Variants in ARHGEF3 observed in about 807,000 individuals in gnomAD.
ARHGEF3 encodes Rho guanine nucleotide exchange factor 3.
In ARHGEF3, 28 loss-of-function variants were observed where a neutral mutation model predicts 63.2. That is an observed-to-expected ratio of 0.44 (90% CI 0.33 to 0.61). ARHGEF3 has a LOEUF of 0.61. ARHGEF3 is among the 20% of genes least tolerant of loss of function. The pLI, the probability that ARHGEF3 is intolerant of heterozygous loss-of-function variation, is 0.03. For missense variants in ARHGEF3, 533 were observed against 659.3 expected, an observed-to-expected ratio of 0.81 and a Z score of 2.10; for synonymous variants, 266 against 254.2, an observed-to-expected ratio of 1.05 and a Z score of -0.44.
chr3:56,873,505 G>A (rs2040496946), intron 4 of ARHGEF3, among the ~76,000 whole-genome samples: 2 of 152,186 alleles, frequency 1.3e-5, no homozygotes, highest in African/African-American at 4.8e-5. Flanking sequence ...CTGTTCGTGC[G>A]TTAGTTTGCT....
chr3:57,075,194 T>G (rs1001764689), intron 1 of ARHGEF3: 4 of 167,160 alleles, frequency 2.4e-5, no homozygotes, highest in Admixed American at 6.6e-5. Flanking sequence ...CAGCTCTGCC[T>G]CCATCCCATC....
intron 3 of ARHGEF3, among the ~76,000 whole-genome samples, chr3:56,884,263 G>A (rs1300850004): frequency 2.0e-5 from 3 of 151,696 alleles, no homozygotes; most frequent in African/African-American, 7.3e-5. Flanking sequence ...CTAGTACACA[G>A]TAGGTGCTCA....
chr3:56,805,508 T>A (rs903383652), upstream of ARHGEF3, among the ~76,000 whole-genome samples: 5 of 152,162 alleles, frequency 3.3e-5, no homozygotes, highest in African/African-American at 1.2e-4. Context: ...GCGCTAGGAT[T>A]ACAAGCATAA....
intron 4 of ARHGEF3, among the ~76,000 whole-genome samples, chr3:56,864,909 T>G (rs542104515): frequency 1.3e-5 from 2 of 152,272 alleles, no homozygotes; most frequent in South Asian, 4.1e-4. Context: ...GTCAAGAACA[T>G]GAGACCTTCA....
chr3:56,826,727 C>A (rs2038726119), intron 4 of ARHGEF3, among the ~76,000 whole-genome samples: 1 of 152,140 alleles, frequency 6.6e-6, no homozygotes, highest in Non-Finnish European at 1.5e-5. Context: ...ACCAGCTCAG[C>A]AGATGGAAAA....
At chr3:56,972,751 G>T (rs926866430) in intron 2 of ARHGEF3, among the ~76,000 whole-genome samples, 8 of 152,038 alleles carry the variant, frequency 5.3e-5, no homozygotes, top group Non-Finnish European at 1.0e-4. Context: ...AGATGGCAAG[G>T]GTCTCACAGA....
chr3:56,792,819 A>AT (rs56890309), intron 1 of ARHGEF3, among the ~76,000 whole-genome samples: 42,734 of 147,866 alleles, frequency 0.29, 7,706 homozygotes, highest in African/African-American at 0.53. Flanking sequence ...TCTTTTTCTT[A>AT]TTTTTTTTTT....
chr3:56,825,025 G>A (rs1277951595), intron 4 of ARHGEF3, among the ~76,000 whole-genome samples: 1 of 150,964 alleles, frequency 6.6e-6, no homozygotes, highest in Non-Finnish European at 1.5e-5. Flanking sequence ...ATACTGGAGT[G>A]TAGCAGCCCC....
chr3:56,897,720 C>T (rs1421578066), intron 3 of ARHGEF3, among the ~76,000 whole-genome samples: 2 of 151,712 alleles, frequency 1.3e-5, no homozygotes, highest in Non-Finnish European at 2.9e-5. Flanking sequence ...GCATGCACCA[C>T]CATGCCCAGC....
intron 4 of ARHGEF3, among the ~76,000 whole-genome samples, chr3:56,850,303 G>C (rs1385818894): frequency 6.6e-6 from 1 of 152,294 alleles, no homozygotes; most frequent in East Asian, 1.9e-4. Flanking sequence ...CCAAGGCAGG[G>C]GGATCACTTG....
intron 1 of ARHGEF3, among the ~76,000 whole-genome samples, chr3:57,059,136 T>TACA (rs2107337607): frequency 6.6e-6 from 1 of 152,204 alleles, no homozygotes; most frequent in South Asian, 2.1e-4. Context: ...AAACTTAAAG[T>TACA]ATAATAATAA....
chr3:56,833,918 TCC>T (rs10632077), intron 4 of ARHGEF3, among the ~76,000 whole-genome samples: 29 of 148,568 alleles, frequency 2.0e-4, no homozygotes, highest in African/African-American at 6.1e-4. Context: ...TTCTTTGTTT[TCC>T]CCCCCCAATT....
intron 4 of ARHGEF3, among the ~76,000 whole-genome samples, chr3:56,819,640 T>C (rs1200471934): frequency 1.3e-5 from 2 of 151,428 alleles, no homozygotes; most frequent in African/African-American, 2.4e-5. Context: ...GCCTCCTGAG[T>C]AGCTGGGACT....
chr3:56,965,501 A>G (rs918486587), intron 2 of ARHGEF3, among the ~76,000 whole-genome samples: 1 of 152,182 alleles, frequency 6.6e-6, no homozygotes, highest in Non-Finnish European at 1.5e-5. Flanking sequence ...GATCATTTCA[A>G]TCTTATACAA....
intron 2 of ARHGEF3, among the ~76,000 whole-genome samples, chr3:57,028,549 G>C (rs1368387217): frequency 1.0e-5 from 1 of 99,328 alleles, no homozygotes; most frequent in Admixed American, 1.1e-4. Context: ...TGGTGGGGTG[G>C]GGGGAGGGGG....
chr3:57,056,121 C>T (rs1424320223), intron 1 of ARHGEF3, among the ~76,000 whole-genome samples: 1 of 152,030 alleles, frequency 6.6e-6, no homozygotes, highest in East Asian at 1.9e-4. Context: ...GGTGCGGTGG[C>T]TCACACCTGT....
chr3:56,835,900 G>A (rs1559979864), intron 4 of ARHGEF3, among the ~76,000 whole-genome samples: 1 of 152,174 alleles, frequency 6.6e-6, no homozygotes, highest in Non-Finnish European at 1.5e-5. Context: ...CAGACTTCCC[G>A]TGGAAAAAGG....
chr3:57,011,508 G>C (rs577596276), intron 2 of ARHGEF3, among the ~76,000 whole-genome samples: 5 of 152,066 alleles, frequency 3.3e-5, no homozygotes, highest in Non-Finnish European at 7.4e-5. Context: ...GGAATCTAGT[G>C]GGGAGAGGCC....
rs772143802 is a variant in ARHGEF3 at position 56,729,292 on chromosome 3, C to G, written c.1559G>C (p.Arg520Thr). The G allele has an allele frequency of 6.2e-7, 1 of 1,613,406 alleles. No individual in the cohort carries two copies. Among genetic ancestry groups the G allele is most frequent in the East Asian group, 2.2e-5 (1 of 44,880 alleles). The change falls in exon 10 of 10, where the codon AGG becomes ACG. Residue 520 changes from arginine (R) to threonine (T), a missense_variant. Arg to Thr is a moderately conservative substitution (Grantham distance 71). Around this residue, in one of 4 missense-constraint regions of ARHGEF3, gnomAD observed 115 missense variants for 103.4 expected, o/e 1.11. Coordinates refer to ENST00000296315, the MANE Select transcript of ARHGEF3 (RefSeq NM_019555.3). ...EQTDSSCGNSRHGESNV is the reference protein window; with the variant it reads ...EQTDSSCGNSTHGESNV The stretch of plus-strand genomic sequence containing the variant: ...CTGTCAGACGTTACTTTCACCGTGC[C>G]TGCTGTTTCCACAGGAAGAGTCTGT...
Sources: allele counts gnomAD v4.1 joint callset (sites outside exome capture counted in the v4.1 genomes callset), GRCh38; gene constraint gnomAD v4.1.1; regional missense constraint gnomAD v4.1.1; transcripts MANE v1.5; gene names NCBI Gene and HGNC (gene_info 2026-07-23, HGNC 2026-07-21).